The following LRP1B variants were observed in gnomAD, a reference collection of about 807,000 sequenced individuals.
LRP1B encodes the protein low-density lipoprotein receptor-related protein 1B.
Under a neutral mutation model 556.6 loss-of-function variants are expected in LRP1B, and 217 were observed. That is an observed-to-expected ratio of 0.39 (90% CI 0.35 to 0.44). LRP1B has a LOEUF of 0.44. LRP1B is among the 20% of genes least tolerant of loss of function. The pLI is 1.00. For synonymous variants in LRP1B, 2,047 were observed against 1,865.8 expected (o/e 1.10, Z -2.50); for missense variants, 5,053 against 5,620.8 (o/e 0.90, Z 3.23).
Position 140,982,237 on chromosome 2 carries a change from C to G in LRP1B, c.2810G>C (p.Gly937Ala), listed in dbSNP as rs2105343832. ...CAGCCATGCTCTGGGAATGCAACGC[C>G]CATTTCCGCAAGAAAACTGGTCTAC... ...CQVDQFSCGN[G>A]RCIPRAWLCD... The change falls in exon 18 of 91, where the codon GGG becomes GCG. Residue 937 changes from glycine (G) to alanine (A), a missense_variant. Physicochemically the swap from Gly to Ala is moderately conservative, Grantham distance 60. Transcript: ENST00000389484. The G allele has an allele frequency of 6.2e-7, 1 of 1,613,300 alleles. No homozygotes were observed. Among genetic ancestry groups the G allele is most frequent in the Non-Finnish European group, 8.5e-7 (1 of 1,179,546 alleles).
intron 51 of LRP1B, among the ~76,000 whole-genome samples, chr2:140,511,612 C>A (rs919847614): frequency 2.6e-5 from 4 of 152,036 alleles, no homozygotes; most frequent in South Asian, 2.1e-4. Context: ...CTCTAGGGGT[C>A]TTTTGCAATA....
At chr2:140,384,315 A>G (rs944333805) in intron 67 of LRP1B, among the ~76,000 whole-genome samples, 1 of 152,236 alleles carries the variant, frequency 6.6e-6, no homozygotes, top group African/African-American at 2.4e-5. Flanking sequence ...ATAAATAAGC[A>G]GAAAGTATAT....
intron 35 of LRP1B, among the ~76,000 whole-genome samples, chr2:140,760,673 T>A (rs1688889272): frequency 6.6e-6 from 1 of 152,090 alleles, no homozygotes; most frequent in Non-Finnish European, 1.5e-5. Flanking sequence ...TCACCTGAGG[T>A]CAGGAGTTCA....
In LRP1B at chr2:140,666,011, T is replaced by C. The variant is rs867161982; in HGVS notation, c.6799+34239A>G. ...AAAAAAAAATTTTTTTTTTTTTTCC[T>C]GAGACGGAGTCTCACTCTGTTGCCC... On this transcript the variant is annotated intron_variant, in intron 41 of 90. Transcript: ENST00000389484. Among the ~76,000 whole-genome samples, 95 of 149,436 alleles carry C rather than the reference T, an allele frequency of 6.4e-4. No individual in the cohort carries two copies. The East Asian group carries it at 0.016, about 26-fold the overall frequency.
chr2:141,629,772 A>G (rs1359499933), intron 2 of LRP1B, among the ~76,000 whole-genome samples: 2 of 152,130 alleles, frequency 1.3e-5, no homozygotes, highest in Admixed American at 1.3e-4. Flanking sequence ...ACTGAATCTA[A>G]GGTTAATATA....
At chr2:141,329,843 G>A (rs1687575944) in intron 3 of LRP1B, among the ~76,000 whole-genome samples, 1 of 152,056 alleles carries the variant, frequency 6.6e-6, no homozygotes, top group African/African-American at 2.4e-5. Context: ...ACAAGATCAT[G>A]CTGAATCAAC....
intron 6 of LRP1B, among the ~76,000 whole-genome samples, chr2:141,214,522 G>A (rs1180075815): frequency 6.6e-6 from 1 of 152,166 alleles, no homozygotes; most frequent in Non-Finnish European, 1.5e-5. Context: ...ACTGGAAAAT[G>A]TCTACTCAGC....
chr2:140,999,524 T>C (rs1424723165), intron 15 of LRP1B, among the ~76,000 whole-genome samples: 2 of 152,102 alleles, frequency 1.3e-5, no homozygotes, highest in African/African-American at 2.4e-5. Context: ...ACATTGTATA[T>C]AGTATTTCCT....
chr2:141,248,250 T>G (rs1363673800), intron 4 of LRP1B, among the ~76,000 whole-genome samples: 1 of 152,184 alleles, frequency 6.6e-6, no homozygotes, highest in Non-Finnish European at 1.5e-5. Context: ...CAAAGGTATA[T>G]TCAGCCTGTT....
At chr2:141,287,364 C>A (rs961294603) in intron 3 of LRP1B, among the ~76,000 whole-genome samples, 3 of 150,930 alleles carry the variant, frequency 2.0e-5, no homozygotes, top group African/African-American at 7.3e-5. Context: ...ACTCTGTCGC[C>A]CAGGCTGGAG....
intron 1 of LRP1B, among the ~76,000 whole-genome samples, chr2:141,869,214 A>G (rs1290404315): frequency 6.6e-6 from 1 of 152,114 alleles, no homozygotes; most frequent in Non-Finnish European, 1.5e-5. Context: ...GCCACAAGTC[A>G]TGTGTAGCTA....
intron 17 of LRP1B, among the ~76,000 whole-genome samples, chr2:140,987,053 G>A (rs117784711): frequency 0.029 from 4,398 of 152,142 alleles, 85 homozygotes; most frequent in East Asian, 0.048. Context: ...ACATAAATAT[G>A]CCATTTTTTT....
intron 2 of LRP1B, among the ~76,000 whole-genome samples, chr2:141,483,080 A>G (rs1288077031): frequency 1.3e-5 from 2 of 151,210 alleles, no homozygotes; most frequent in South Asian, 2.1e-4. Flanking sequence ...GTCATTTAGC[A>G]TTAGGTGTAT....
At chr2:140,536,519 CA>C in intron 46 of LRP1B, 61 bp downstream of exon 46, 6 of 1,527,036 alleles carry the variant, frequency 3.9e-6, no homozygotes, top group Admixed American at 2.2e-5. Flanking sequence ...ACAAGCAAAC[CA>C]AAAACTGTAA....
intron 3 of LRP1B, among the ~76,000 whole-genome samples, chr2:141,425,891 G>C (rs1273246228): frequency 1.3e-5 from 2 of 150,678 alleles, no homozygotes; most frequent in Non-Finnish European, 3.0e-5. Context: ...TCTGATGGTA[G>C]TTTCTTTTGC....
In LRP1B at chr2:141,835,038, T is replaced by C. The variant is rs547723766; in HGVS notation, c.83-24637A>G. ...TAGAGGAATCTCATAAGAGAGTGAA[T>C]AAATAGAAACAATGTTACCACATTA... On this transcript the variant is annotated intron_variant, in intron 1 of 90. Coordinates refer to ENST00000389484, the MANE Select transcript of LRP1B (RefSeq NM_018557.3). Among the ~76,000 whole-genome samples the C allele has an allele frequency of 2.0e-5, 3 of 151,994 alleles. No homozygotes were observed. The East Asian group carries it at 5.8e-4, about 29-fold the overall frequency.
intron 57 of LRP1B, among the ~76,000 whole-genome samples, chr2:140,488,067 T>G (rs1008799240): frequency 6.6e-6 from 1 of 152,004 alleles, no homozygotes. Flanking sequence ...ATTTCCACTT[T>G]AGGTTAATAT....
chr2:142,031,541 G>A (rs1218891647), intron 1 of LRP1B, among the ~76,000 whole-genome samples: 4 of 125,412 alleles, frequency 3.2e-5, no homozygotes, highest in East Asian at 2.3e-4. Context: ...CTGTGTCCAT[G>A]TGTGATTTTA....
intron 1 of LRP1B, among the ~76,000 whole-genome samples, chr2:141,882,332 T>TA (rs1698983067): frequency 6.6e-6 from 1 of 152,058 alleles, no homozygotes; most frequent in South Asian, 2.1e-4. Context: ...AGTTTGTGAA[T>TA]AAAATCATAA....
Sources: gnomAD v4.1 joint callset for allele counts (sites outside exome capture counted in the v4.1 genomes callset) on GRCh38, gnomAD v4.1.1 for gene constraint, MANE v1.5 for transcripts, NCBI Gene and HGNC (gene_info 2026-07-23, HGNC 2026-07-21) for gene names.